CATSPERT: variants seen among roughly 807,000 people sequenced by gnomAD.
CATSPERT encodes the protein catsper channel auxiliary subunit tau.
the CATSPERT span, among the ~76,000 whole-genome samples, chr2:201,612,738 G>A: frequency 1.3e-5 from 2 of 152,074 alleles, no homozygotes; most frequent in East Asian, 3.9e-4. Context: ...TGCAGCCCAC[G>A]GAGCAGGGTG....
At chr2:201,573,452 A>T in the CATSPERT span, among the ~76,000 whole-genome samples, 1 of 152,126 alleles carries the variant, frequency 6.6e-6, no homozygotes, top group Non-Finnish European at 1.5e-5. Context: ...TCAGGGCAGG[A>T]TCTCACTATA....
At chr2:201,529,960 G>A in the CATSPERT span, among the ~76,000 whole-genome samples, 1 of 152,032 alleles carries the variant, frequency 6.6e-6, no homozygotes. Flanking sequence ...GAACAGACAT[G>A]GCTCAAAGGA....
chr2:201,507,960 C>T, the CATSPERT span, among the ~76,000 whole-genome samples: 5 of 152,116 alleles, frequency 3.3e-5, no homozygotes, highest in Admixed American at 1.3e-4. Context: ...GGAAGTCCAC[C>T]GCCATGATTC....
chr2:201,596,506 A>G, the CATSPERT span, among the ~76,000 whole-genome samples: 1 of 152,192 alleles, frequency 6.6e-6, no homozygotes, highest in Non-Finnish European at 1.5e-5. Flanking sequence ...AATAATCTGT[A>G]CAACAAACCC....
At chr2:201,490,514 G>T in the CATSPERT span, among the ~76,000 whole-genome samples, 1 of 152,136 alleles carries the variant, frequency 6.6e-6, no homozygotes, top group Non-Finnish European at 1.5e-5. Context: ...CCACAATCAG[G>T]ACTGTGTACT....
chr2:201,545,688 A>T, the CATSPERT span: 5 of 1,125,206 alleles, frequency 4.4e-6, no homozygotes, highest in Admixed American at 5.8e-5. Flanking sequence ...TATTTAAAGA[A>T]CGAAAACATT....
the CATSPERT span, among the ~76,000 whole-genome samples, chr2:201,502,911 A>G: frequency 1.5e-5 from 2 of 130,432 alleles, no homozygotes; most frequent in African/African-American, 2.8e-5. Flanking sequence ...TTTTTTTTCT[A>G]TTTGTGTTTC....
the CATSPERT span, among the ~76,000 whole-genome samples, chr2:201,569,794 A>G: frequency 6.6e-6 from 1 of 152,156 alleles, no homozygotes; most frequent in Non-Finnish European, 1.5e-5. Context: ...TAGCTAATTC[A>G]CTGTGAGCCG....
the CATSPERT span, chr2:201,555,977 T>C: frequency 6.6e-6 from 1 of 152,146 alleles, no homozygotes; most frequent in African/African-American, 2.4e-5. Context: ...CATTAGAAAA[T>C]GCTTTATACA....
the CATSPERT span, among the ~76,000 whole-genome samples, chr2:201,501,363 C>G: frequency 8.0e-6 from 1 of 125,268 alleles, no homozygotes; most frequent in Non-Finnish European, 1.6e-5. Flanking sequence ...CCATTGCACT[C>G]TAGCCTGGGC....
the CATSPERT span, among the ~76,000 whole-genome samples, chr2:201,575,825 T>G: frequency 6.6e-6 from 1 of 152,168 alleles, no homozygotes; most frequent in East Asian, 1.9e-4. Flanking sequence ...TGTAATGCAC[T>G]TGAACCATCT....
the CATSPERT span, among the ~76,000 whole-genome samples, chr2:201,529,082 C>T: frequency 5.3e-5 from 8 of 151,992 alleles, no homozygotes; most frequent in Non-Finnish European, 4.4e-5. Context: ...AACTATGAAA[C>T]ACTGAGGAAA....
At chr2:201,522,580 A>T in the CATSPERT span, among the ~76,000 whole-genome samples, 2 of 152,190 alleles carry the variant, frequency 1.3e-5, no homozygotes, top group Non-Finnish European at 2.9e-5. Flanking sequence ...GGGTAGGTTA[A>T]ATAGGTATAG....
At chr2:201,586,596 CAT>C in the CATSPERT span, among the ~76,000 whole-genome samples, 7 of 152,044 alleles carry the variant, frequency 4.6e-5, no homozygotes, top group South Asian at 2.1e-4. Context: ...ACAGATAAAA[CAT>C]AATGTAATTT....
the CATSPERT span, among the ~76,000 whole-genome samples, chr2:201,559,742 G>A: frequency 0.055 from 8,386 of 152,138 alleles, 283 homozygotes; most frequent in African/African-American, 0.081. Context: ...AATGTGCCCC[G>A]CCAATCTGAT....
the CATSPERT span, chr2:201,575,173 A>T: frequency 1.1e-5 from 10 of 921,892 alleles, no homozygotes; most frequent in Non-Finnish European, 1.4e-5. Context: ...ATGGTAACTA[A>T]AAGAATAAAA....
the CATSPERT span, among the ~76,000 whole-genome samples, chr2:201,527,883 G>A: frequency 6.6e-6 from 1 of 151,830 alleles, no homozygotes; most frequent in African/African-American, 2.4e-5. Flanking sequence ...AAAAACAATT[G>A]CAACAAAAAT....
At chr2:201,569,216 G>C in the CATSPERT span, among the ~76,000 whole-genome samples, 16 of 152,260 alleles carry the variant, frequency 1.1e-4, no homozygotes, top group Non-Finnish European at 1.9e-4. Context: ...CATTAAAGGA[G>C]TTCTGAGTCT....
At chr2:201,525,635 A>C in the CATSPERT span, among the ~76,000 whole-genome samples, 1 of 152,186 alleles carries the variant, frequency 6.6e-6, no homozygotes, top group East Asian at 1.9e-4. Context: ...GAACTGAACA[A>C]AATGGAGATG....
Sources: allele counts gnomAD v4.1 joint callset (sites outside exome capture counted in the v4.1 genomes callset), GRCh38; gene constraint gnomAD v4.1.1; transcripts MANE v1.5; gene names NCBI Gene and HGNC (gene_info 2026-07-23, HGNC 2026-07-21).